LINGO2: variants seen among roughly 807,000 people sequenced by gnomAD.
The protein encoded by LINGO2 is leucine rich repeat and Ig domain containing 2, also known as leucine-rich repeat and immunoglobulin-like domain-containing nogo receptor-interacting protein 2.
In LINGO2, 14 loss-of-function variants were observed where a neutral mutation model predicts 30.6. That is an observed-to-expected ratio of 0.46 (90% CI 0.30 to 0.72). The LOEUF (loss-of-function observed/expected upper bound fraction) is 0.72, where lower values mean the gene tolerates loss of function less well. Among genes scored for constraint, LINGO2 ranks in the 30% least tolerant of loss-of-function variants. The probability of loss-of-function intolerance (pLI) is 0.07; values close to 1 mark genes in which losing one functional copy is unlikely to be tolerated. For missense variants in LINGO2, 729 were observed against 751.7 expected (o/e 0.97, Z 0.35); for synonymous variants, 317 against 288.5 (o/e 1.10, Z -1.00).
the LINGO2 span, among the ~76,000 whole-genome samples, chr9:28,805,427 A>G: frequency 1.3e-5 from 2 of 152,144 alleles, no homozygotes; most frequent in Admixed American, 1.3e-4. Context: ...GCAAAAATAT[A>G]TCTACCACAT....
At chr9:29,159,054 G>C in the LINGO2 span, among the ~76,000 whole-genome samples, 1 of 152,114 alleles carries the variant, frequency 6.6e-6, no homozygotes, top group Non-Finnish European at 1.5e-5. Context: ...TCGACTCTGA[G>C]CTAGAGTCCC....
intron 4 of LINGO2, among the ~76,000 whole-genome samples, chr9:28,173,520 A>G (rs933431310): frequency 6.6e-6 from 1 of 152,166 alleles, no homozygotes; most frequent in Non-Finnish European, 1.5e-5. Context: ...AGACCATAAG[A>G]TGAGCAACTC....
the LINGO2 span, among the ~76,000 whole-genome samples, chr9:29,174,147 C>G: frequency 6.6e-6 from 1 of 152,004 alleles, no homozygotes; most frequent in Middle Eastern, 3.2e-3. Context: ...AAAAGATACT[C>G]GCTTTCCTGG....
chr9:28,990,358 G>A, the LINGO2 span, among the ~76,000 whole-genome samples: 2 of 152,170 alleles, frequency 1.3e-5, no homozygotes, highest in African/African-American at 2.4e-5. Context: ...TGGGAAGCTC[G>A]AACTGGGTGG....
chr9:28,483,744 T>C (rs1306540332), intron 1 of LINGO2, among the ~76,000 whole-genome samples: 1 of 152,066 alleles, frequency 6.6e-6, no homozygotes, highest in African/African-American at 2.4e-5. Flanking sequence ...CTAAAACTTA[T>C]GGCACATTTT....
At chr9:27,954,903 C>T (rs1305491695) in intron 5 of LINGO2, among the ~76,000 whole-genome samples, 2 of 152,030 alleles carry the variant, frequency 1.3e-5, no homozygotes, top group African/African-American at 4.8e-5. Flanking sequence ...CACATCCTTA[C>T]CAGCATAAAT....
chr9:28,861,801 T>C, the LINGO2 span, among the ~76,000 whole-genome samples: 1 of 152,028 alleles, frequency 6.6e-6, no homozygotes, highest in East Asian at 1.9e-4. Flanking sequence ...AATTAATTCA[T>C]TGTTTGTAAA....
chr9:28,838,025 AT>A, the LINGO2 span, among the ~76,000 whole-genome samples: 1 of 152,246 alleles, frequency 6.6e-6, no homozygotes, highest in Non-Finnish European at 1.5e-5. Flanking sequence ...GGAGAAAAAA[AT>A]GTTTGAAAAT....
At chr9:28,778,915 G>C in the LINGO2 span, among the ~76,000 whole-genome samples, 1 of 152,088 alleles carries the variant, frequency 6.6e-6, no homozygotes. Flanking sequence ...TAAACATTTT[G>C]CATCTGGATT....
intron 3 of LINGO2, among the ~76,000 whole-genome samples, chr9:28,338,538 C>A (rs531788162): frequency 2.1e-4 from 32 of 152,128 alleles, no homozygotes; most frequent in Non-Finnish European, 2.4e-4. Flanking sequence ...ATGATGTGGT[C>A]TGGCTGTGTC....
intron 4 of LINGO2, among the ~76,000 whole-genome samples, chr9:28,199,837 A>T (rs1734866640): frequency 6.6e-6 from 1 of 152,184 alleles, no homozygotes; most frequent in Admixed American, 6.5e-5. Flanking sequence ...ACATTGAAAG[A>T]TAATTCTTCA....
intron 3 of LINGO2, among the ~76,000 whole-genome samples, chr9:28,309,934 A>G (rs1292098335): frequency 6.6e-6 from 1 of 152,128 alleles, no homozygotes; most frequent in Non-Finnish European, 1.5e-5. Context: ...GTTCTCCAGC[A>G]AATAAAAAAC....
chr9:28,466,584 A>G (rs1398010372), intron 2 of LINGO2, among the ~76,000 whole-genome samples: 1 of 152,210 alleles, frequency 6.6e-6, no homozygotes, highest in Non-Finnish European at 1.5e-5. Context: ...ATTTTGAAAT[A>G]AATGAAAGAG....
At chr9:28,702,429 A>G in the LINGO2 span, among the ~76,000 whole-genome samples, 1 of 151,876 alleles carries the variant, frequency 6.6e-6, no homozygotes, top group Non-Finnish European at 1.5e-5. Flanking sequence ...TAACATTAAT[A>G]GATTTTTCAA....
At chr9:28,769,535 T>A in the LINGO2 span, among the ~76,000 whole-genome samples, 21 of 85,140 alleles carry the variant, frequency 2.5e-4, no homozygotes, top group African/African-American at 9.6e-4. Context: ...TTTTTTTTTT[T>A]TTTTTTTTTT....
intron 4 of LINGO2, among the ~76,000 whole-genome samples, chr9:28,243,272 C>A (rs1821868877): frequency 6.6e-6 from 1 of 151,928 alleles, no homozygotes; most frequent in Admixed American, 6.6e-5. Context: ...GCCTGGGCAA[C>A]ATGGTGAAAC....
chr9:28,064,655 G>T lies in LINGO2; in HGVS notation c.-86-52250C>A, dbSNP rs191228299. 5.7e-4 allele frequency among the ~76,000 whole-genome samples: 86 copies of T among 152,122 alleles called. No individual in the cohort carries two copies. The East Asian group carries it at 9.1e-3, about 16-fold the overall frequency. ...AACTGCTCTGATTACAAAATAATGGGTCCATCAGGCACAATTAATACCCAA... is the reference window on the plus strand; with the variant it reads ...AACTGCTCTGATTACAAAATAATGGTTCCATCAGGCACAATTAATACCCAA... On this transcript the variant is annotated intron_variant, in intron 4 of 5. Transcript: ENST00000379992.
chr9:28,308,650 C>T (rs1331248075), intron 3 of LINGO2, among the ~76,000 whole-genome samples: 3 of 146,298 alleles, frequency 2.1e-5, no homozygotes, highest in African/African-American at 2.5e-5. Context: ...AGGCAACCTA[C>T]AAAATGGGAG....
the LINGO2 span, among the ~76,000 whole-genome samples, chr9:29,144,507 G>A: frequency 3.9e-4 from 59 of 152,080 alleles, no homozygotes; most frequent in African/African-American, 1.2e-3. Flanking sequence ...TTTAACTCAC[G>A]GATATGCTGT....
Sources: allele counts gnomAD v4.1 joint callset (sites outside exome capture counted in the v4.1 genomes callset), GRCh38; gene constraint gnomAD v4.1.1; transcripts MANE v1.5; gene names NCBI Gene and HGNC (gene_info 2026-07-23, HGNC 2026-07-21).